The following CTNNA3 variants were observed in gnomAD, a reference collection of about 807,000 sequenced individuals.
CTNNA3 encodes catenin alpha 3, also known as catenin alpha-3.
CTNNA3 carries 76 observed loss-of-function variants against 95.7 expected under a neutral mutation model. That is an observed-to-expected ratio of 0.79 (90% CI 0.66 to 0.96). The LOEUF (loss-of-function observed/expected upper bound fraction) is 0.96, where lower values mean the gene tolerates loss of function less well. Among genes scored for constraint, CTNNA3 ranks in the 40% least tolerant of loss-of-function variants. The pLI is 0.00. For missense variants in CTNNA3, 1,191 were observed against 1,089.8 expected (o/e 1.09, Z -1.31); for synonymous variants, 431 against 374.4 (o/e 1.15, Z -1.74).
At chr10:67,302,595 C>A (rs922755549) in intron 5 of CTNNA3, among the ~76,000 whole-genome samples, 3 of 152,126 alleles carry the variant, frequency 2.0e-5, no homozygotes, top group South Asian at 4.1e-4. Flanking sequence ...CACTGACATA[C>A]AATTAAGAAC....
intron 11 of CTNNA3, among the ~76,000 whole-genome samples, chr10:66,402,577 T>C (rs1044975426): frequency 6.6e-6 from 1 of 152,180 alleles, no homozygotes; most frequent in Non-Finnish European, 1.5e-5. Flanking sequence ...AGAGCAGGGA[T>C]ACCACTTTTT....
At chr10:67,435,609 T>C (rs1846275471) in intron 5 of CTNNA3, among the ~76,000 whole-genome samples, 1 of 152,054 alleles carries the variant, frequency 6.6e-6, no homozygotes, top group South Asian at 2.1e-4. Context: ...CTAGAACTGA[T>C]ACAAGAATTC....
intron 9 of CTNNA3, among the ~76,000 whole-genome samples, chr10:66,704,345 T>G (rs1296573973): frequency 1.3e-5 from 2 of 152,122 alleles, no homozygotes; most frequent in African/African-American, 4.8e-5. Flanking sequence ...AAATGCTTCT[T>G]TTTCTTATCA....
intron 7 of CTNNA3, among the ~76,000 whole-genome samples, chr10:66,959,265 A>G (rs1300393084): frequency 1.3e-5 from 2 of 152,142 alleles, no homozygotes; most frequent in Non-Finnish European, 2.9e-5. Context: ...CCAAATCTTC[A>G]GTGATAATGG....
chr10:66,054,790 A>G (rs10996864), intron 15 of CTNNA3, among the ~76,000 whole-genome samples: 2 of 152,088 alleles, frequency 1.3e-5, no homozygotes, highest in East Asian at 3.9e-4. Flanking sequence ...CTTACTCAAG[A>G]AATCTTTACT....
chr10:67,534,031 A>T (rs1840416703), intron 4 of CTNNA3, among the ~76,000 whole-genome samples: 1 of 152,000 alleles, frequency 6.6e-6, no homozygotes, highest in Non-Finnish European at 1.5e-5. Flanking sequence ...CAGAAAATGT[A>T]GCAGGAACTT....
At chr10:67,694,073 T>C (rs1351780411) in intron 1 of CTNNA3, among the ~76,000 whole-genome samples, 1 of 152,212 alleles carries the variant, frequency 6.6e-6, no homozygotes, top group South Asian at 2.1e-4. Flanking sequence ...CACAGTTGTA[T>C]CATAAAAGTC....
intron 13 of CTNNA3, among the ~76,000 whole-genome samples, chr10:66,229,796 CA>C (rs1205411639): frequency 6.6e-6 from 1 of 152,092 alleles, no homozygotes; most frequent in African/African-American, 2.4e-5. Context: ...GCTATTATTT[CA>C]TTAAATAGGT....
chr10:67,126,329 C>A (rs564158871), intron 7 of CTNNA3, among the ~76,000 whole-genome samples: 1 of 152,242 alleles, frequency 6.6e-6, no homozygotes, highest in Non-Finnish European at 1.5e-5. Flanking sequence ...GAGTTCAAGA[C>A]CAGCCTGGCC....
chr10:67,480,569 C>T (rs979800800), intron 5 of CTNNA3, among the ~76,000 whole-genome samples: 1 of 152,246 alleles, frequency 6.6e-6, no homozygotes, highest in African/African-American at 2.4e-5. Flanking sequence ...AAACCACAAA[C>T]AATAGCATGA....
At chr10:67,249,917 G>A (rs926422604) in intron 5 of CTNNA3, among the ~76,000 whole-genome samples, 2 of 152,188 alleles carry the variant, frequency 1.3e-5, no homozygotes, top group Admixed American at 6.5e-5. Flanking sequence ...GGTAGAACAC[G>A]CATACTTCAC....
chr10:66,196,864 C>G (rs1204273667), intron 13 of CTNNA3, among the ~76,000 whole-genome samples: 3 of 152,146 alleles, frequency 2.0e-5, no homozygotes, highest in Admixed American at 2.0e-4. Context: ...AGTGGTGACA[C>G]CAGCAACCAG....
intron 11 of CTNNA3, among the ~76,000 whole-genome samples, chr10:66,387,259 A>G (rs975011753): frequency 6.6e-6 from 1 of 152,144 alleles, no homozygotes; most frequent in Non-Finnish European, 1.5e-5. Flanking sequence ...AGAAAAAAAA[A>G]CAAGTCCATC....
At chr10:66,974,833 G>C (rs1454187585) in intron 7 of CTNNA3, among the ~76,000 whole-genome samples, 1 of 151,054 alleles carries the variant, frequency 6.6e-6, no homozygotes, top group East Asian at 1.9e-4. Context: ...GTCTGTTGAA[G>C]ACTTTCATCT....
At chr10:67,716,575 G>A (rs529991794) in intron 1 of CTNNA3, among the ~76,000 whole-genome samples, 6 of 152,198 alleles carry the variant, frequency 3.9e-5, no homozygotes, top group Non-Finnish European at 5.9e-5. Flanking sequence ...TGCGGTGTTC[G>A]GTTTTCTGTT....
At chr10:66,290,355 T>G (rs928673605) in intron 12 of CTNNA3, among the ~76,000 whole-genome samples, 1 of 152,014 alleles carries the variant, frequency 6.6e-6, no homozygotes, top group African/African-American at 2.4e-5. Flanking sequence ...AAATTGATTG[T>G]TTGAGGTCCA....
intron 12 of CTNNA3, among the ~76,000 whole-genome samples, chr10:66,318,819 A>G (rs556549194): frequency 1.3e-5 from 2 of 152,184 alleles, no homozygotes; most frequent in Non-Finnish European, 2.9e-5. Flanking sequence ...GATGCATGCA[A>G]TCCAGAAATA....
chr10:66,490,188 C>T (rs887385187), intron 11 of CTNNA3, among the ~76,000 whole-genome samples: 19 of 152,006 alleles, frequency 1.2e-4, no homozygotes, highest in African/African-American at 3.4e-4. Context: ...AAGCCTTTAC[C>T]ATTTAACTTC....
Position 67,496,722 on chromosome 10 carries a change from AT to A in CTNNA3, c.579+25119del, listed in dbSNP as rs1839035864. Among the ~76,000 whole-genome samples the A allele has an allele frequency of 3.3e-5, 5 of 152,298 alleles. No individual in the cohort carries two copies. In the South Asian group the frequency reaches 1.0e-3, roughly 32 times the overall value. ...TTGTAGCGCTGTCCTAATTCCATCA[AT>A]TTTGGAATACAGTTCAAAATGAGAT... On this transcript the variant is annotated intron_variant, in intron 5 of 17. Transcript: ENST00000433211.
Sources: allele counts gnomAD v4.1 joint callset (sites outside exome capture counted in the v4.1 genomes callset), GRCh38; gene constraint gnomAD v4.1.1; transcripts MANE v1.5; gene names NCBI Gene and HGNC (gene_info 2026-07-23, HGNC 2026-07-21).